The following FBN1 variants were observed in gnomAD, a reference collection of about 807,000 sequenced individuals.
The protein encoded by FBN1 is fibrillin 1.
FBN1 carries 29 observed loss-of-function variants against 365.1 expected under a neutral mutation model. That is an observed-to-expected ratio of 0.08 (90% CI 0.06 to 0.11). FBN1 has a LOEUF of 0.11. Ranked by LOEUF, FBN1 falls within the 10% of genes least tolerant of loss-of-function variation. The probability of loss-of-function intolerance (pLI) is 1.00; values close to 1 mark genes in which losing one functional copy is unlikely to be tolerated. For synonymous variants in FBN1, 1,210 were observed against 1,270.5 expected, an observed-to-expected ratio of 0.95 and a Z score of 1.01; for missense variants, 2,476 against 3,703.2, an observed-to-expected ratio of 0.67 and a Z score of 8.60.
At chr15:48,555,810 G>C (rs567348966) in intron 6 of FBN1, among the ~76,000 whole-genome samples, 1 of 152,304 alleles carries the variant, frequency 6.6e-6, no homozygotes, top group South Asian at 2.1e-4. Context: ...CTCATGTGAA[G>C]TTAATTAGAC....
At position 48,410,654 on chromosome 15, in the gene FBN1, C is replaced by A; in HGVS notation, c.*336G>T. 3.7e-6 allele frequency: 1 copy of A among 272,332 alleles called. No homozygotes were observed. Among genetic ancestry groups the A allele is most frequent in the South Asian group, 5.7e-5 (1 of 17,604 alleles). The allele number at this position is 272,332 out of a possible 1,614,324, so 16.9% of individuals were successfully genotyped here. ...CAAATTTGCAAAAAATAGAGTAGTC[C>A]ATCAATTGAAAGCACATTCCCGTAC... On this transcript the variant is annotated 3_prime_UTR_variant, in exon 66 of 66. Transcript: ENST00000316623.
intron 19 of FBN1, among the ~76,000 whole-genome samples, chr15:48,496,930 T>C (rs564823753): frequency 7.9e-5 from 12 of 152,326 alleles, no homozygotes; most frequent in African/African-American, 2.9e-4. Context: ...CTCAGTAAAA[T>C]CAAGGTTGAC....
At chr15:48,603,371 T>C (rs1386581409) in intron 4 of FBN1, among the ~76,000 whole-genome samples, 3 of 51,214 alleles carry the variant, frequency 5.9e-5, no homozygotes, top group Non-Finnish European at 9.1e-5. Context: ...CATGGGAAAC[T>C]GTATTCGTTG....
At chr15:48,633,960 T>C (rs1211122671) in intron 2 of FBN1, among the ~76,000 whole-genome samples, 2 of 152,218 alleles carry the variant, frequency 1.3e-5, no homozygotes, top group Non-Finnish European at 2.9e-5. Flanking sequence ...AGTTTCAGTA[T>C]TTATACATTT....
chr15:48,434,232 GAAAAAGA>G (rs1204199624), intron 54 of FBN1, among the ~76,000 whole-genome samples: 1 of 151,942 alleles, frequency 6.6e-6, no homozygotes, highest in Non-Finnish European at 1.5e-5. Context: ...GAAAAGAAGA[GAAAAAGA>G]GAAAAGAAAA....
intron 64 of FBN1, among the ~76,000 whole-genome samples, chr15:48,414,700 T>C (rs1463958509): frequency 6.6e-6 from 1 of 152,070 alleles, no homozygotes; most frequent in Admixed American, 6.5e-5. Context: ...ATCGAGACCA[T>C]CCTGGCTAAC....
intron 6 of FBN1, among the ~76,000 whole-genome samples, chr15:48,570,471 A>G (rs1340708793): frequency 2.6e-5 from 3 of 117,160 alleles, no homozygotes; most frequent in African/African-American, 5.2e-5. Context: ...GAAAACTTTG[A>G]AAAAAAAAAA....
chr15:48,641,863 G>T (rs150588455), intron 2 of FBN1: 1 of 152,308 alleles, frequency 6.6e-6, no homozygotes, highest in East Asian at 1.9e-4. Flanking sequence ...TAAGCAGAGG[G>T]AATAAATTTA....
intron 35 of FBN1, 60 bp from the exon 36 acceptor site, chr15:48,470,816 C>T: frequency 6.4e-7 from 1 of 1,563,422 alleles, no homozygotes; most frequent in Non-Finnish European, 8.7e-7. Context: ...AAAAAACCTG[C>T]CAAATATAAT....
intron 31 of FBN1, among the ~76,000 whole-genome samples, chr15:48,482,098 G>A (rs2043469774): frequency 6.6e-6 from 1 of 152,144 alleles, no homozygotes; most frequent in Admixed American, 6.5e-5. Flanking sequence ...TCTATTGCAG[G>A]ATGAAAAGTT....
At chr15:48,543,324 C>A (rs2044072296) in intron 6 of FBN1, among the ~76,000 whole-genome samples, 1 of 152,130 alleles carries the variant, frequency 6.6e-6, no homozygotes, top group Admixed American at 6.5e-5. Context: ...GAGTGGAATT[C>A]CAGGGGCATT....
intron 6 of FBN1, among the ~76,000 whole-genome samples, chr15:48,553,956 C>T (rs1319513534): frequency 2.0e-5 from 3 of 152,200 alleles, no homozygotes; most frequent in Non-Finnish European, 4.4e-5. Context: ...ATTCTCACAA[C>T]AATTCTCTGA....
Position 48,609,539 on chromosome 15 carries a change from C to T in FBN1, c.346+1189G>A, listed in dbSNP as rs113118567. Among the ~76,000 whole-genome samples the T allele has an allele frequency of 1.7e-4, 26 of 152,284 alleles. 1 individual carries two copies. Among genetic ancestry groups the T allele is most frequent in the African/African-American group, 6.3e-4 (26 of 41,544 alleles). ...CACTGTGAACAGCGAGGGCTCGGTCCCACTGGGGAACTTCAGGAGACAGTG... is the reference window on the plus strand; with the variant it reads ...CACTGTGAACAGCGAGGGCTCGGTCTCACTGGGGAACTTCAGGAGACAGTG... On this transcript the variant is annotated intron_variant, in intron 4 of 65. Transcript: ENST00000316623.
chr15:48,626,490 T>G (rs1275924723), intron 2 of FBN1, among the ~76,000 whole-genome samples: 1 of 152,162 alleles, frequency 6.6e-6, no homozygotes, highest in Non-Finnish European at 1.5e-5. Context: ...CCATATTTCA[T>G]AGCAGTCAAC....
intron 45 of FBN1, among the ~76,000 whole-genome samples, chr15:48,450,997 T>C (rs1329787818): frequency 6.6e-6 from 1 of 152,246 alleles, no homozygotes; most frequent in Non-Finnish European, 1.5e-5. Flanking sequence ...ATTCCCTTTC[T>C]TCTGAGGATT....
At chr15:48,417,471 T>TTCCTTCCTTC in intron 63 of FBN1, among the ~76,000 whole-genome samples, 2 of 92,330 alleles carry the variant, frequency 2.2e-5, no homozygotes, top group African/African-American at 4.9e-5. Flanking sequence ...TTCCTTCCTT[T>TTCCTTCCTTC]CCTTCCTTCC....
intron 6 of FBN1, among the ~76,000 whole-genome samples, chr15:48,580,718 C>A (rs2044384966): frequency 6.6e-6 from 1 of 152,176 alleles, no homozygotes; most frequent in South Asian, 2.1e-4. Context: ...GGGGAAAAAA[C>A]TGATAGTACA....
chr15:48,624,641 AG>A (rs1205339769), intron 2 of FBN1, among the ~76,000 whole-genome samples: 4 of 152,256 alleles, frequency 2.6e-5, no homozygotes, highest in Non-Finnish European at 5.9e-5. Context: ...GCCTGTGTAA[AG>A]AACTGCTTCC....
chr15:48,543,153 G>A (rs970533038), intron 6 of FBN1, among the ~76,000 whole-genome samples: 2 of 152,156 alleles, frequency 1.3e-5, no homozygotes, highest in Non-Finnish European at 2.9e-5. Flanking sequence ...CAAAATTTAG[G>A]AAGGTTGATC....
Sources: allele counts gnomAD v4.1 joint callset (sites outside exome capture counted in the v4.1 genomes callset), GRCh38; gene constraint gnomAD v4.1.1; transcripts MANE v1.5; gene names NCBI Gene and HGNC (gene_info 2026-07-23, HGNC 2026-07-21).